The following SYNPR variants were observed in gnomAD, a reference collection of about 807,000 sequenced individuals.
SYNPR encodes synaptoporin.
SYNPR carries 23 observed loss-of-function variants against 32.9 expected under a neutral mutation model. The observed-to-expected ratio is 0.70, with a 90% CI of 0.50 to 0.99. The LOEUF is 0.99. SYNPR is among the 50% of genes least tolerant of loss of function. The pLI, the probability that SYNPR is intolerant of heterozygous loss-of-function variation, is 0.00. For synonymous variants in SYNPR, 146 were observed against 135.9 expected (o/e 1.07, Z -0.52); for missense variants, 318 against 349.3 (o/e 0.91, Z 0.71).
At chr3:63,326,805 C>T (rs2106976642) in intron 2 of SYNPR, among the ~76,000 whole-genome samples, 1 of 152,166 alleles carries the variant, frequency 6.6e-6, no homozygotes, top group South Asian at 2.1e-4. Flanking sequence ...AAGAATCAGA[C>T]TTAGTAACTC....
intron 2 of SYNPR, among the ~76,000 whole-genome samples, chr3:63,256,266 GCCT>G (rs1258104616): frequency 2.0e-5 from 3 of 152,186 alleles, no homozygotes; most frequent in Non-Finnish European, 4.4e-5. Context: ...CGGACAGACT[GCCT>G]CCTCAAGTGT....
chr3:63,286,939 G>T (rs2086689891), intron 2 of SYNPR, among the ~76,000 whole-genome samples: 1 of 152,158 alleles, frequency 6.6e-6, no homozygotes, highest in Admixed American at 6.5e-5. Flanking sequence ...CAACCTAAAT[G>T]ACTCTGGGCA....
At chr3:63,221,878 T>A in the SYNPR span, among the ~76,000 whole-genome samples, 1 of 152,156 alleles carries the variant, frequency 6.6e-6, no homozygotes, top group East Asian at 1.9e-4. Context: ...AAATTAAATA[T>A]CTCTAAAGGG....
chr3:63,378,773 T>C (rs868492695), intron 2 of SYNPR, among the ~76,000 whole-genome samples: 5 of 152,090 alleles, frequency 3.3e-5, no homozygotes, highest in African/African-American at 1.2e-4. Flanking sequence ...CCTTTTTTTT[T>C]CTACTGTTAT....
At chr3:63,445,969 T>C (rs1008764803) in intron 2 of SYNPR, among the ~76,000 whole-genome samples, 19 of 152,218 alleles carry the variant, frequency 1.2e-4, no homozygotes, top group African/African-American at 4.3e-4. Context: ...GAAGAATATG[T>C]GTTTTATTTC....
chr3:63,594,713 CTCA>C (rs573775313), intron 4 of SYNPR, among the ~76,000 whole-genome samples: 167 of 152,246 alleles, frequency 1.1e-3, no homozygotes, highest in African/African-American at 3.9e-3. Flanking sequence ...GTTGGCAGCT[CTCA>C]TCATCATCAC....
At chr3:63,318,110 T>C (rs1301791561) in intron 2 of SYNPR, among the ~76,000 whole-genome samples, 3 of 152,118 alleles carry the variant, frequency 2.0e-5, no homozygotes, top group East Asian at 3.9e-4. Context: ...GTAGAGTTTC[T>C]GCTGAGAAAT....
intron 4 of SYNPR, among the ~76,000 whole-genome samples, chr3:63,596,637 G>T (rs77427092): frequency 6.6e-6 from 1 of 152,220 alleles, no homozygotes; most frequent in African/African-American, 2.4e-5. Flanking sequence ...GCAATGAATT[G>T]GGTGATCATA....
intron 2 of SYNPR, among the ~76,000 whole-genome samples, chr3:63,417,924 C>A (rs939068325): frequency 6.6e-6 from 1 of 152,206 alleles, no homozygotes; most frequent in African/African-American, 2.4e-5. Context: ...AGCCCTCTGA[C>A]ATACTCTGGA....
At chr3:63,589,346 G>C (rs79382736) in intron 4 of SYNPR, among the ~76,000 whole-genome samples, 182 of 152,150 alleles carry the variant, frequency 1.2e-3, no homozygotes, top group African/African-American at 4.4e-3. Flanking sequence ...ATTCTTTTGT[G>C]ATTGATTAAC....
intron 2 of SYNPR, among the ~76,000 whole-genome samples, chr3:63,434,106 T>C (rs549657829): frequency 2.6e-5 from 4 of 152,170 alleles, no homozygotes; most frequent in Non-Finnish European, 5.9e-5. Context: ...CTACGTTTCA[T>C]AAACTACATG....
intron 2 of SYNPR, among the ~76,000 whole-genome samples, chr3:63,415,088 A>C (rs913768244): frequency 3.9e-5 from 6 of 152,256 alleles, no homozygotes; most frequent in Non-Finnish European, 8.8e-5. Flanking sequence ...ATAACAAAAA[A>C]ATCATACATG....
At chr3:63,267,325 T>G (rs2086498523) in exon 3 of SYNPR, 1 of 152,166 alleles carries the variant, frequency 6.6e-6, no homozygotes, top group Non-Finnish European at 1.5e-5. Flanking sequence ...AGGTTCTGCC[T>G]TAAAGGGCTT....
chr3:63,484,429 T>C (rs1316019039), intron 3 of SYNPR, among the ~76,000 whole-genome samples: 1 of 152,148 alleles, frequency 6.6e-6, no homozygotes, highest in Non-Finnish European at 1.5e-5. Context: ...GTATTTAATA[T>C]ATTTGTAGAA....
intron 2 of SYNPR, among the ~76,000 whole-genome samples, chr3:63,262,181 A>G (rs2086444624): frequency 6.6e-6 from 1 of 152,156 alleles, no homozygotes; most frequent in South Asian, 2.1e-4. Flanking sequence ...GGCAAAATTT[A>G]CATGCCACCG....
chr3:63,581,191 C>T (rs1266889830), intron 4 of SYNPR, among the ~76,000 whole-genome samples: 1 of 152,134 alleles, frequency 6.6e-6, no homozygotes, highest in African/African-American at 2.4e-5. Context: ...CATACTAAAT[C>T]AGAAAAACAA....
intron 4 of SYNPR, among the ~76,000 whole-genome samples, chr3:63,577,313 G>C (rs573481577): frequency 6.6e-6 from 1 of 152,320 alleles, no homozygotes; most frequent in East Asian, 1.9e-4. Context: ...AAAATACTGC[G>C]CTAGGCCCTG....
chr3:63,394,508 T>C (rs1452229954), intron 2 of SYNPR, among the ~76,000 whole-genome samples: 1 of 152,222 alleles, frequency 6.6e-6, no homozygotes, highest in Non-Finnish European at 1.5e-5. Context: ...GTATTTGCTT[T>C]CTTAAGAATC....
chr3:63,487,357 C>G (rs945762304), intron 3 of SYNPR, among the ~76,000 whole-genome samples: 1 of 152,034 alleles, frequency 6.6e-6, no homozygotes, highest in East Asian at 1.9e-4. Context: ...AACAATGTTA[C>G]CTATTTCATA....
Sources: allele counts gnomAD v4.1 joint callset (sites outside exome capture counted in the v4.1 genomes callset), GRCh38; gene constraint gnomAD v4.1.1; transcripts MANE v1.5; gene names NCBI Gene and HGNC (gene_info 2026-07-23, HGNC 2026-07-21).